MACROD2: variants seen among roughly 807,000 people sequenced by gnomAD.
MACROD2 encodes mono-ADP ribosylhydrolase 2, also known as ADP-ribose glycohydrolase MACROD2.
In MACROD2, 36 loss-of-function variants were observed where a neutral mutation model predicts 70.4. That is an observed-to-expected ratio of 0.51 (90% CI 0.39 to 0.68). MACROD2 has a LOEUF of 0.68. MACROD2 is among the 30% of genes least tolerant of loss of function. MACROD2 has a pLI of 0.00. For synonymous variants in MACROD2, 172 were observed against 178.8 expected (o/e 0.96, Z 0.30); for missense variants, 496 against 538.4 (o/e 0.92, Z 0.78).
chr20:14,817,955 G>C (rs1329723127), intron 5 of MACROD2, among the ~76,000 whole-genome samples: 1 of 152,070 alleles, frequency 6.6e-6, no homozygotes, highest in East Asian at 1.9e-4. Context: ...GATGCCAGTT[G>C]GGGCACACTG....
chr20:15,208,340 CTG>C (rs2145941974), intron 5 of MACROD2, among the ~76,000 whole-genome samples: 1 of 152,208 alleles, frequency 6.6e-6, no homozygotes, highest in African/African-American at 2.4e-5. Flanking sequence ...ATGTACATAA[CTG>C]TTTATTGGAG....
At chr20:14,431,218 T>C (rs2083991088) in intron 3 of MACROD2, among the ~76,000 whole-genome samples, 1 of 152,124 alleles carries the variant, frequency 6.6e-6, no homozygotes, top group Non-Finnish European at 1.5e-5. Flanking sequence ...GTGATAATTA[T>C]ATTTCCAGGT....
chr20:15,422,777 G>T (rs1210236307), intron 6 of MACROD2, among the ~76,000 whole-genome samples: 2 of 152,182 alleles, frequency 1.3e-5, no homozygotes, highest in Non-Finnish European at 2.9e-5. Flanking sequence ...TAGCATCACA[G>T]AATTTAATAG....
At chr20:14,180,253 T>C (rs1193616715) in intron 3 of MACROD2, among the ~76,000 whole-genome samples, 1 of 152,144 alleles carries the variant, frequency 6.6e-6, no homozygotes. Flanking sequence ...TTATTATAGC[T>C]GAATTTCTAC....
Position 14,570,859 on chromosome 20 carries a change from G to C in MACROD2, c.301+77351G>C, listed in dbSNP as rs577810683. On this transcript the variant is annotated intron_variant, in intron 4 of 17. Transcript: ENST00000684519. ...TTAGAATAATGGTCAGTTCAAAAGAGGGAAACAGAATTATGTGATTTTTTT... is the reference window on the plus strand; with the variant it reads ...TTAGAATAATGGTCAGTTCAAAAGACGGAAACAGAATTATGTGATTTTTTT... Among the ~76,000 whole-genome samples the C allele has an allele frequency of 1.6e-4, 25 of 151,948 alleles. 1 individual carries two copies. The highest frequency in any genetic ancestry group is 5.8e-4 in the African/African-American group (24 of 41,412).
At chr20:15,132,313 A>G (rs933731925) in intron 5 of MACROD2, among the ~76,000 whole-genome samples, 7 of 152,046 alleles carry the variant, frequency 4.6e-5, no homozygotes, top group Admixed American at 3.9e-4. Context: ...CCATTAAAAG[A>G]TTACGTAGAA....
chr20:14,226,970 T>C (rs1039980731), intron 3 of MACROD2, among the ~76,000 whole-genome samples: 5 of 152,248 alleles, frequency 3.3e-5, no homozygotes, highest in African/African-American at 1.2e-4. Context: ...GCTGGGCTCC[T>C]GAGTCTGGTG....
intron 8 of MACROD2, among the ~76,000 whole-genome samples, chr20:15,857,881 TG>T (rs1460178973): frequency 1.3e-5 from 2 of 152,138 alleles, no homozygotes; most frequent in Non-Finnish European, 2.9e-5. Context: ...AACTCAATTC[TG>T]TGTGTGTGTC....
At chr20:15,986,407 C>T (rs917211803) in intron 13 of MACROD2, among the ~76,000 whole-genome samples, 3 of 152,204 alleles carry the variant, frequency 2.0e-5, no homozygotes, top group African/African-American at 7.2e-5. Context: ...TTAACCCATA[C>T]AGCCCAGAAA....
chr20:15,220,355 C>A (rs1013058232), intron 5 of MACROD2, among the ~76,000 whole-genome samples: 3 of 152,218 alleles, frequency 2.0e-5, no homozygotes, highest in African/African-American at 4.8e-5. Flanking sequence ...CCATAGAATT[C>A]TTGGCTTTGT....
chr20:15,421,935 A>G (rs553757079), intron 6 of MACROD2, among the ~76,000 whole-genome samples: 12 of 152,382 alleles, frequency 7.9e-5, no homozygotes, highest in African/African-American at 2.9e-4. Context: ...CGAGGAGGTG[A>G]CATTTGATCA....
intron 5 of MACROD2, among the ~76,000 whole-genome samples, chr20:15,145,055 G>A (rs559049922): frequency 3.3e-5 from 5 of 152,254 alleles, no homozygotes; most frequent in African/African-American, 1.2e-4. Flanking sequence ...CTCTAGCAAT[G>A]AAAGTTATTT....
chr20:14,271,784 C>A (rs1341795780), intron 3 of MACROD2, among the ~76,000 whole-genome samples: 1 of 152,178 alleles, frequency 6.6e-6, no homozygotes, highest in East Asian at 1.9e-4. Context: ...ATAACCAATA[C>A]AGAGAAGTGC....
chr20:15,142,095 G>A (rs1306662249), intron 5 of MACROD2, among the ~76,000 whole-genome samples: 1 of 152,158 alleles, frequency 6.6e-6, no homozygotes, highest in African/African-American at 2.4e-5. Flanking sequence ...AATTATGACT[G>A]TGTGCATACC....
intron 8 of MACROD2, among the ~76,000 whole-genome samples, chr20:15,593,838 C>A (rs2048710108): frequency 6.6e-6 from 1 of 152,172 alleles, no homozygotes; most frequent in Non-Finnish European, 1.5e-5. Context: ...GTTTGTACCA[C>A]ACACAATAAG....
intron 3 of MACROD2, among the ~76,000 whole-genome samples, chr20:14,281,914 G>T (rs1347306898): frequency 8.4e-6 from 1 of 119,290 alleles, no homozygotes; most frequent in South Asian, 2.6e-4. Context: ...CAGCCTTGGC[G>T]ACAGAGCAGA....
At chr20:14,805,455 C>G (rs2072627439) in intron 5 of MACROD2, among the ~76,000 whole-genome samples, 1 of 152,024 alleles carries the variant, frequency 6.6e-6, no homozygotes, top group Admixed American at 6.6e-5. Context: ...ACCAGCTAGA[C>G]ACCATATTAA....
At chr20:14,007,883 T>C (rs2052844480) in intron 2 of MACROD2, among the ~76,000 whole-genome samples, 1 of 152,196 alleles carries the variant, frequency 6.6e-6, no homozygotes, top group Non-Finnish European at 1.5e-5. Context: ...TTAATGTTTA[T>C]ACAGAACAGC....
intron 3 of MACROD2, among the ~76,000 whole-genome samples, chr20:14,122,801 A>T (rs1362572218): frequency 2.0e-5 from 3 of 152,158 alleles, no homozygotes; most frequent in Non-Finnish European, 4.4e-5. Context: ...GTTCTCCTTG[A>T]CTTTCCTATC....
Sources: gnomAD v4.1 joint callset for allele counts (sites outside exome capture counted in the v4.1 genomes callset) on GRCh38, gnomAD v4.1.1 for gene constraint, MANE v1.5 for transcripts, NCBI Gene and HGNC (gene_info 2026-07-23, HGNC 2026-07-21) for gene names.